Variants in NR1I2 observed in about 807,000 individuals in gnomAD.
The protein encoded by NR1I2 is orphan nuclear receptor PAR1.
NR1I2 carries 42 observed loss-of-function variants against 43.3 expected under a neutral mutation model. That is an observed-to-expected ratio of 0.97 (90% CI 0.76 to 1.26). The LOEUF is 1.26. NR1I2 is among the 50% of genes most tolerant of loss of function. The pLI is 0.00. For missense variants in NR1I2, 559 were observed against 566.7 expected (o/e 0.99, Z 0.14); for synonymous variants, 229 against 215.0 (o/e 1.06, Z -0.57).
At chr3:119,814,179 C>T (rs1156237737) in intron 5 of NR1I2, among the ~76,000 whole-genome samples, 1 of 152,166 alleles carries the variant, frequency 6.6e-6, no homozygotes, top group Non-Finnish European at 1.5e-5. Context: ...GGTAGTGTTT[C>T]CTCAAAACCC....
At chr3:119,806,672 G>T in intron 1 of NR1I2, among the ~76,000 whole-genome samples, 1 of 152,132 alleles carries the variant, frequency 6.6e-6, no homozygotes, top group Non-Finnish European at 1.5e-5. Flanking sequence ...TTCCCATGTT[G>T]TGATCTTGCC....
chr3:119,783,186 G>A (rs531128812), intron 1 of NR1I2, among the ~76,000 whole-genome samples: 14 of 152,242 alleles, frequency 9.2e-5, no homozygotes, highest in Admixed American at 7.2e-4. Flanking sequence ...AAAGTATTTT[G>A]TGGTACACAA....
chr3:119,812,822 A>G lies in NR1I2; in HGVS notation c.656A>G (p.Asp219Gly), dbSNP rs1385921021. ...GTCTCTCTGCAGCTGCGGGGGGAGG[A>G]TGGCAGTGTCTGGAACTACAAACCC... is the stretch of plus-strand genomic sequence containing the variant. The change falls in exon 5 of 9, where the codon GAT (aspartate) becomes GGT (glycine). Residue 219 changes from aspartate to glycine, a missense_variant. Coordinates refer to ENST00000393716, the MANE Select transcript of NR1I2 (RefSeq NM_003889.4). 3 of 1,614,168 alleles carry G rather than the reference A, an allele frequency of 1.9e-6. No homozygotes were observed. The South Asian group carries it at 3.3e-5, about 18-fold the overall frequency.
At chr3:119,802,557 A>G (rs767945494) in intron 1 of NR1I2, among the ~76,000 whole-genome samples, 2 of 152,194 alleles carry the variant, frequency 1.3e-5, no homozygotes, top group African/African-American at 2.4e-5. Context: ...ATCTTTGCCA[A>G]CTGTCTCCAT....
At chr3:119,800,632 C>T (rs1405552091) in intron 1 of NR1I2, among the ~76,000 whole-genome samples, 2 of 151,854 alleles carry the variant, frequency 1.3e-5, no homozygotes, top group Non-Finnish European at 2.9e-5. Flanking sequence ...TGCTGTATTA[C>T]CCAGGCAGGT....
intron 2 of NR1I2, among the ~76,000 whole-genome samples, chr3:119,809,573 G>A (rs970725509): frequency 6.9e-6 from 1 of 145,512 alleles, no homozygotes; most frequent in African/African-American, 2.5e-5. Flanking sequence ...GGGAAGGCGG[G>A]GGGGTGGGGC....
intron 1 of NR1I2, among the ~76,000 whole-genome samples, chr3:119,805,738 G>GA (rs563525828): frequency 1.5e-4 from 10 of 66,004 alleles, no homozygotes; most frequent in East Asian, 8.7e-4. Context: ...GAAAAGAAAA[G>GA]AAAAAAAAGG....
Position 119,794,622 on chromosome 3 carries a change from G to A in NR1I2, c.-23+12322G>A, listed in dbSNP as rs140687553. Among the ~76,000 whole-genome samples, 222 of 152,084 alleles carry A rather than the reference G, an allele frequency of 1.5e-3. 1 individual carries two copies. The highest frequency in any genetic ancestry group is 5.0e-3 in the African/African-American group (209 of 41,486). On this transcript the variant is annotated intron_variant, in intron 1 of 8. Transcript: ENST00000393716. The stretch of plus-strand genomic sequence containing the variant: ...TTAGAGGCATGAGCCCCCACACCTG[G>A]CCTATATTCTTTTTTCTTAAATAGG...
Position 119,817,630 on chromosome 3 carries a change from A to T in NR1I2, c.*418A>T. 8.8e-7 allele frequency: 1 copy of T among 1,142,682 alleles called. No homozygotes were observed. The highest frequency in any genetic ancestry group is 1.1e-6 in the Non-Finnish European group (1 of 919,174). The allele number at this position is 1,142,682 out of a possible 1,614,324, so 70.8% of individuals were successfully genotyped here. A position where few individuals can be genotyped will look rare whatever the true frequency, so the allele number is the denominator to read the frequency against. ...CATACCCACGTTTGTTCGCTTCCTG[A>T]GTCTTTTCATTGCTACCTCTAATAG... On this transcript the variant is annotated 3_prime_UTR_variant, in exon 9 of 9. Transcript: ENST00000393716.
intron 8 of NR1I2, among the ~76,000 whole-genome samples, chr3:119,816,480 T>C (rs889593443): frequency 6.6e-6 from 1 of 152,250 alleles, no homozygotes; most frequent in African/African-American, 2.4e-5. Context: ...CCCAAACTGG[T>C]AGCTGCAATA....
intron 1 of NR1I2, among the ~76,000 whole-genome samples, chr3:119,792,714 G>GAA (rs149113462): frequency 6.7e-6 from 1 of 149,646 alleles, no homozygotes; most frequent in Non-Finnish European, 1.5e-5. Flanking sequence ...TCTCAAAAAA[G>GAA]AAAAAAAAAA....
chr3:119,782,397 G>A (rs1205333570), intron 1 of NR1I2, 97 bp downstream of exon 1: 2 of 240,248 alleles, frequency 8.3e-6, no homozygotes, highest in African/African-American at 4.4e-5. Flanking sequence ...TCTGTTTGAG[G>A]TCAGCATCAT....
In NR1I2 at chr3:119,811,661, A is replaced by G. The variant is rs1318907001; in HGVS notation, c.454A>G (p.Arg152Gly). The G allele has an allele frequency of 1.2e-6, 2 of 1,613,880 alleles. No homozygotes were observed. Among genetic ancestry groups the G allele is most frequent in the Non-Finnish European group, 1.7e-6 (2 of 1,179,962 alleles). The change falls in exon 4 of 9, where the codon AGG becomes GGG. Residue 152 changes from arginine (R) to glycine (G), a missense_variant. Around this residue, in one of 3 missense-constraint regions of NR1I2, gnomAD observed 232 missense variants for 236.6 expected, o/e 0.98. Transcript: ENST00000393716. Reference sequence around the variant, plus strand: ...GACAGAGGAGCAGCGGATGATGATCAGGGAGCTGATGGACGCTCAGATGAA... The same window carrying G: ...GACAGAGGAGCAGCGGATGATGATCGGGGAGCTGATGGACGCTCAGATGAA...
At chr3:119,784,050 A>G (rs1245788294) in intron 1 of NR1I2, among the ~76,000 whole-genome samples, 1 of 152,222 alleles carries the variant, frequency 6.6e-6, no homozygotes, top group Non-Finnish European at 1.5e-5. Context: ...GCTTCTAGAC[A>G]TGTGCACGTA....
Position 119,818,021 on chromosome 3 carries a change from T to C in NR1I2, c.*809T>C. ...AGTGACAAAAGCAGCACAAGGAATT[T>C]CCCTGTGTGGATGCTGAGCTGTGAT... is the stretch of plus-strand genomic sequence containing the variant. On this transcript the variant is annotated 3_prime_UTR_variant, in exon 9 of 9. Transcript: ENST00000393716. 1.0e-6 allele frequency: 1 copy of C among 985,548 alleles called. No individual in the cohort carries two copies. Among genetic ancestry groups the C allele is most frequent in the Middle Eastern group, 5.2e-4 (1 of 1,914 alleles). The allele number at this position is 985,548 out of a possible 1,614,324, so 61.1% of individuals were successfully genotyped here. A position where few individuals can be genotyped will look rare whatever the true frequency, so the allele number is the denominator to read the frequency against.
chr3:119,794,565 T>G (rs1049022024), intron 1 of NR1I2, among the ~76,000 whole-genome samples: 3 of 151,366 alleles, frequency 2.0e-5, no homozygotes, highest in African/African-American at 7.3e-5. Context: ...TCACAATTGA[T>G]CCTTCCACCT....
At chr3:119,795,880 A>G (rs1276733505) in intron 1 of NR1I2, among the ~76,000 whole-genome samples, 1 of 152,094 alleles carries the variant, frequency 6.6e-6, no homozygotes, top group Non-Finnish European at 1.5e-5. Context: ...TGCACCTTCT[A>G]CTGATCATTT....
chr3:119,810,924 C>T (rs1422546320), intron 3 of NR1I2, among the ~76,000 whole-genome samples: 2 of 152,198 alleles, frequency 1.3e-5, no homozygotes, highest in Non-Finnish European at 2.9e-5. Flanking sequence ...GACCCTAAGG[C>T]TCTGGGCTAT....
chr3:119,805,598 G>T (rs1030693259), intron 1 of NR1I2, among the ~76,000 whole-genome samples: 1 of 151,846 alleles, frequency 6.6e-6, no homozygotes, highest in Non-Finnish European at 1.5e-5. Flanking sequence ...AGCTACTCAA[G>T]AGGCAGAGGC....
Sources: allele counts gnomAD v4.1 joint callset (sites outside exome capture counted in the v4.1 genomes callset), GRCh38; gene constraint gnomAD v4.1.1; regional missense constraint gnomAD v4.1.1; transcripts MANE v1.5; gene names NCBI Gene and HGNC (gene_info 2026-07-23, HGNC 2026-07-21).